Variants in DAAM1 observed in about 807,000 individuals in gnomAD.
DAAM1 encodes the protein disheveled-associated activator of morphogenesis 1.
Under a neutral mutation model 130.0 loss-of-function variants are expected in DAAM1, and 52 were observed. The observed-to-expected ratio is 0.40, with a 90% CI of 0.32 to 0.50. DAAM1 has a LOEUF of 0.50. Ranked by LOEUF, DAAM1 falls within the 20% of genes least tolerant of loss-of-function variation. The pLI is 0.61. For missense variants in DAAM1, 1,134 were observed against 1,303.8 expected, an observed-to-expected ratio of 0.87 and a Z score of 2.01; for synonymous variants, 452 against 444.5, an observed-to-expected ratio of 1.02 and a Z score of -0.21.
chr14:59,336,613 A>T (rs571760345), intron 15 of DAAM1, among the ~76,000 whole-genome samples: 1 of 152,066 alleles, frequency 6.6e-6, no homozygotes, highest in Non-Finnish European at 1.5e-5. Flanking sequence ...AATTGAAGAA[A>T]CTCTTGCTTG....
intron 1 of DAAM1, among the ~76,000 whole-genome samples, chr14:59,245,783 A>G (rs1480112511): frequency 1.3e-5 from 2 of 152,330 alleles, no homozygotes; most frequent in South Asian, 2.1e-4. Context: ...GAAGAAAGTC[A>G]TTGCTCATAT....
At chr14:59,345,904 A>C (rs1886059942) in intron 16 of DAAM1, among the ~76,000 whole-genome samples, 1 of 152,212 alleles carries the variant, frequency 6.6e-6, no homozygotes, top group African/African-American at 2.4e-5. Flanking sequence ...AGTGCTTTGG[A>C]AAGTGATCAT....
rs1218004318 is a variant in DAAM1, at chr14:59,370,089, C to A, written c.*1230C>A. 2.0e-5 allele frequency: 3 copies of A among 148,798 alleles called. No individual in the cohort carries two copies. Among genetic ancestry groups the A allele is most frequent in the Non-Finnish European group, 3.0e-5 (2 of 67,512 alleles). 9.2% of individuals were successfully genotyped at this position (148,798 alleles called of 1,614,324 possible). A position where few individuals can be genotyped will look rare whatever the true frequency, so the allele number is the denominator to read the frequency against. On this transcript the variant is annotated 3_prime_UTR_variant, in exon 25 of 25. Transcript: ENST00000360909. ...ATATAGATGCTTACCATTAACCTAC[C>A]AACTCTTAATATCCTTAAATTATGT...
intron 16 of DAAM1, among the ~76,000 whole-genome samples, chr14:59,346,701 G>T (rs951926021): frequency 3.2e-4 from 48 of 152,070 alleles, no homozygotes; most frequent in African/African-American, 1.1e-3. Flanking sequence ...TTTTTCCCCT[G>T]GGTAAGACTA....
At chr14:59,226,374 AACAC>A (rs368376707) in intron 1 of DAAM1, among the ~76,000 whole-genome samples, 11 of 151,568 alleles carry the variant, frequency 7.3e-5, no homozygotes, top group Non-Finnish European at 1.2e-4. Context: ...ATTTAAGACA[AACAC>A]ACACACACAC....
intron 4 of DAAM1, among the ~76,000 whole-genome samples, chr14:59,318,779 T>C (rs1479961144): frequency 6.6e-6 from 1 of 152,144 alleles, no homozygotes; most frequent in Non-Finnish European, 1.5e-5. Flanking sequence ...GGGAAAGGAA[T>C]TTCCAACTTA....
At chr14:59,281,033 C>A (rs903732489) in intron 2 of DAAM1, among the ~76,000 whole-genome samples, 3 of 134,088 alleles carry the variant, frequency 2.2e-5, no homozygotes, top group Admixed American at 2.2e-4. Context: ...ACATTTCCTG[C>A]AGGATGAGTT....
chr14:59,259,540 A>T (rs1387115745), intron 1 of DAAM1, among the ~76,000 whole-genome samples: 1 of 152,188 alleles, frequency 6.6e-6, no homozygotes, highest in African/African-American at 2.4e-5. Context: ...ACAGTCATAC[A>T]GACCTTGTCA....
In DAAM1 at chr14:59,353,875, G is replaced by C; in HGVS notation, c.2268-1G>C. ...CAATTAGTACATGTTTGCTCTTACA[G>C]AATTAATCACTATCAGCAAAGGTTG... On this transcript the variant is annotated splice_acceptor_variant, in intron 18 of 24. Coordinates refer to ENST00000360909, the MANE Select transcript of DAAM1 (RefSeq NM_001270520.2). LOFTEE classifies it high-confidence loss of function. The C allele has an allele frequency of 6.2e-7, 1 of 1,613,770 alleles. No individual in the cohort carries two copies. Among genetic ancestry groups the C allele is most frequent in the Non-Finnish European group, 8.5e-7 (1 of 1,179,796 alleles).
At chr14:59,360,223 A>C (rs1886649078) in intron 21 of DAAM1, among the ~76,000 whole-genome samples, 1 of 152,236 alleles carries the variant, frequency 6.6e-6, no homozygotes, top group Non-Finnish European at 1.5e-5. Context: ...AAAAGCCATG[A>C]AATAGAAAGT....
At chr14:59,189,372 T>G (rs567146782) in intron 1 of DAAM1, among the ~76,000 whole-genome samples, 2 of 152,258 alleles carry the variant, frequency 1.3e-5, no homozygotes, top group African/African-American at 4.8e-5. Context: ...CCTAAATGTT[T>G]CAAAACAGAG....
intron 3 of DAAM1, among the ~76,000 whole-genome samples, chr14:59,306,999 AGTATTAGTCATGCAGT>A (rs1404248228): frequency 6.6e-6 from 1 of 152,216 alleles, no homozygotes; most frequent in Non-Finnish European, 1.5e-5. Context: ...TCTGGAGCAG[AGTATTAGTCATGCAGT>A]GTGGCCTCTG....
chr14:59,240,326 T>C (rs1051393398), intron 1 of DAAM1, among the ~76,000 whole-genome samples: 5 of 152,172 alleles, frequency 3.3e-5, no homozygotes, highest in African/African-American at 1.2e-4. Flanking sequence ...TTGCTGAAGG[T>C]CCCACATAGT....
chr14:59,345,363 T>C (rs943496935), intron 16 of DAAM1, among the ~76,000 whole-genome samples: 6 of 152,130 alleles, frequency 3.9e-5, no homozygotes, highest in African/African-American at 1.4e-4. Flanking sequence ...GCAACACAGC[T>C]CACATAAGGT....
At chr14:59,233,511 G>T (rs1471472037) in intron 1 of DAAM1, among the ~76,000 whole-genome samples, 1 of 149,430 alleles carries the variant, frequency 6.7e-6, no homozygotes, top group East Asian at 2.1e-4. Flanking sequence ...GTAAATTTAA[G>T]TTCCTTGTAT....
intron 4 of DAAM1, among the ~76,000 whole-genome samples, chr14:59,317,743 A>G (rs889392369): frequency 6.6e-5 from 10 of 152,190 alleles, no homozygotes; most frequent in African/African-American, 2.4e-4. Context: ...ACCTTGCCCA[A>G]GGTTATCTAA....
intron 15 of DAAM1, among the ~76,000 whole-genome samples, chr14:59,335,972 C>G (rs573936716): frequency 6.6e-6 from 1 of 150,752 alleles, no homozygotes; most frequent in African/African-American, 2.4e-5. Flanking sequence ...TAGGCTTGAT[C>G]CTTAGCCATG....
chr14:59,320,924 T>C (rs1485855336), intron 5 of DAAM1, among the ~76,000 whole-genome samples: 2 of 152,136 alleles, frequency 1.3e-5, no homozygotes, highest in Non-Finnish European at 2.9e-5. Flanking sequence ...ATGTTAAATA[T>C]AGTGTTGCCA....
intron 2 of DAAM1, among the ~76,000 whole-genome samples, chr14:59,286,636 T>G (rs1883468464): frequency 6.6e-6 from 1 of 152,100 alleles, no homozygotes; most frequent in Admixed American, 6.6e-5. Flanking sequence ...AAAAAAATCC[T>G]TAGAGACTGT....
Sources: allele counts gnomAD v4.1 joint callset (sites outside exome capture counted in the v4.1 genomes callset), GRCh38; gene constraint gnomAD v4.1.1; transcripts MANE v1.5; gene names NCBI Gene and HGNC (gene_info 2026-07-23, HGNC 2026-07-21).